Variants in RUNX1 observed in about 807,000 individuals in gnomAD.
RUNX1 encodes the protein RUNX family transcription factor 1, also known as runt-related transcription factor 1.
RUNX1 carries 19 observed loss-of-function variants against 42.8 expected under a neutral mutation model. The ratio of observed to expected loss-of-function variants is 0.44; its 90% CI spans 0.31 to 0.65. The LOEUF is 0.65. Ranked by LOEUF, RUNX1 falls within the 30% of genes least tolerant of loss-of-function variation. RUNX1 has a pLI of 0.07. For missense variants in RUNX1, 528 were observed against 672.0 expected (o/e 0.79, Z 2.37); for synonymous variants, 271 against 289.4 (o/e 0.94, Z 0.64).
chr21:34,886,148 CG>C (rs1425443410), intron 4 of RUNX1, among the ~76,000 whole-genome samples: 2 of 152,220 alleles, frequency 1.3e-5, no homozygotes, highest in African/African-American at 4.8e-5. Flanking sequence ...CGTCACCTTT[CG>C]CTACCCCTGG....
intron 7 of RUNX1, among the ~76,000 whole-genome samples, chr21:34,802,463 G>A (rs902081754): frequency 6.6e-6 from 1 of 152,168 alleles, no homozygotes; most frequent in African/African-American, 2.4e-5. Flanking sequence ...TCATCATACT[G>A]GGTGTTGCTT....
chr21:34,819,921 G>A (rs1186901694), intron 7 of RUNX1, among the ~76,000 whole-genome samples: 3 of 152,268 alleles, frequency 2.0e-5, no homozygotes, highest in African/African-American at 7.2e-5. Flanking sequence ...CCGGGCTTGT[G>A]GGAGGAATCG....
chr21:34,962,470 A>G (rs567222181), intron 2 of RUNX1, among the ~76,000 whole-genome samples: 2 of 152,356 alleles, frequency 1.3e-5, no homozygotes, highest in South Asian at 4.1e-4. Flanking sequence ...ATCACCAAAC[A>G]GCCAGTAAAG....
rs531938961 is a variant in RUNX1 at position 35,017,468 on chromosome 21, G to A, written c.58+31374C>T. 6.5e-4 allele frequency among the ~76,000 whole-genome samples: 99 copies of A among 152,224 alleles called. 2 individuals carry two copies. The highest frequency in any genetic ancestry group is 3.4e-3 in the Middle Eastern group (1 of 294). ...TAGGGATCAGGCTCATTTTACACACGCCTAAGCAACTGGAAAACATGAGAG... is the reference window on the plus strand; with the variant it reads ...TAGGGATCAGGCTCATTTTACACACACCTAAGCAACTGGAAAACATGAGAG... On this transcript the variant is annotated intron_variant, in intron 2 of 8. Transcript: ENST00000675419.
At chr21:34,992,642 C>T (rs1048031621) in intron 2 of RUNX1, among the ~76,000 whole-genome samples, 6 of 145,608 alleles carry the variant, frequency 4.1e-5, no homozygotes, top group Admixed American at 1.4e-4. Flanking sequence ...AAGATTATGA[C>T]GTTTCTTTCA....
At position 34,788,290 on chromosome 21, in the gene RUNX1, A is replaced by C. The variant is rs2056393251; in HGVS notation, c.*3845T>G. 1 of 233,586 alleles carries C rather than the reference A, an allele frequency of 4.3e-6. No homozygotes were observed. The highest frequency in any genetic ancestry group is 1.8e-4 in the South Asian group (1 of 5,534). The allele number at this position is 233,586 out of a possible 1,614,324, so 14.5% of individuals were successfully genotyped here. On this transcript the variant is annotated 3_prime_UTR_variant, in exon 9 of 9. Transcript: ENST00000675419. ...GTAGATGTGTTATACCGTCATTTCA[A>C]TTTGAAAGTTTATTTTTTTCCATTG...
In RUNX1 at chr21:34,944,890, C is replaced by T. The variant is rs576955026; in HGVS notation, c.59-51927G>A. Among the ~76,000 whole-genome samples the T allele has an allele frequency of 2.1e-4, 32 of 152,270 alleles. No individual in the cohort carries two copies. In the South Asian group the frequency reaches 6.6e-3, roughly 32 times the overall value. On this transcript the variant is annotated intron_variant, in intron 2 of 8. Transcript: ENST00000675419. ...CACTCTGAATGAATTGCTTGTTTAA[C>T]AGATGGCTTCTGACTTATTGGGAAG...
intron 2 of RUNX1, among the ~76,000 whole-genome samples, chr21:34,935,718 T>C (rs2058480018): frequency 6.6e-6 from 1 of 152,054 alleles, no homozygotes; most frequent in Non-Finnish European, 1.5e-5. Context: ...AACCCCTACC[T>C]ATTAGATGCC....
intron 5 of RUNX1, among the ~76,000 whole-genome samples, chr21:34,869,135 A>G (rs2057702600): frequency 6.6e-6 from 1 of 152,122 alleles, no homozygotes. Flanking sequence ...ATCATTCCCA[A>G]CTTTTCAAAT....
intron 2 of RUNX1, among the ~76,000 whole-genome samples, chr21:34,928,734 C>T (rs1443493034): frequency 4.6e-5 from 7 of 151,068 alleles, no homozygotes; most frequent in Non-Finnish European, 8.8e-5. Flanking sequence ...ATTTTTTGGC[C>T]AAAGTTATAT....
intron 6 of RUNX1, among the ~76,000 whole-genome samples, chr21:34,847,782 G>A (rs2057338289): frequency 2.6e-5 from 4 of 152,148 alleles, no homozygotes; most frequent in Admixed American, 2.6e-4. Flanking sequence ...TGGTTGACAG[G>A]GTTATGTTTC....
At chr21:34,950,838 A>G (rs773798416) in intron 2 of RUNX1, among the ~76,000 whole-genome samples, 5 of 152,202 alleles carry the variant, frequency 3.3e-5, no homozygotes, top group Non-Finnish European at 7.3e-5. Flanking sequence ...TTCCCACCAT[A>G]AGACCCACAG....
At chr21:34,898,626 T>C (rs1391744401) in intron 2 of RUNX1, among the ~76,000 whole-genome samples, 1 of 152,172 alleles carries the variant, frequency 6.6e-6, no homozygotes, top group Non-Finnish European at 1.5e-5. Flanking sequence ...CACCAGATAA[T>C]TGTCTTCATC....
At chr21:35,037,937 T>TTTA (rs1555835557) in intron 2 of RUNX1, among the ~76,000 whole-genome samples, 2 of 151,512 alleles carry the variant, frequency 1.3e-5, no homozygotes, top group African/African-American at 4.9e-5. Flanking sequence ...TTTTTTTTTT[T>TTTA]ATCTTCATAC....
At chr21:34,862,519 C>T (rs1370905368) in intron 5 of RUNX1, among the ~76,000 whole-genome samples, 4 of 152,208 alleles carry the variant, frequency 2.6e-5, no homozygotes, top group African/African-American at 7.2e-5. Flanking sequence ...AGCAGGGCCA[C>T]ACTCCCCCTG....
At chr21:34,827,799 G>A (rs1053995001) in intron 7 of RUNX1, among the ~76,000 whole-genome samples, 28 of 152,200 alleles carry the variant, frequency 1.8e-4, no homozygotes, top group African/African-American at 4.3e-4. Flanking sequence ...TGCTAATTCC[G>A]TAGGCATGCA....
Position 34,792,823 on chromosome 21 carries a change from G to A in RUNX1, c.968-213C>T, listed in dbSNP as rs1346380047. Reference sequence around the variant, plus strand: ...AGGATGCTATACCCAGGGGGACAGGGACCACCCAGGATGCCACCTCCTGAG... The same window carrying A: ...AGGATGCTATACCCAGGGGGACAGGAACCACCCAGGATGCCACCTCCTGAG... On this transcript the variant is annotated intron_variant, in intron 8 of 8. Coordinates refer to ENST00000675419, the MANE Select transcript of RUNX1 (RefSeq NM_001754.5). The surrounding 1 kb of genome is among the most constrained non-coding windows in gnomAD (Gnocchi z 6.9). Among the ~76,000 whole-genome samples, 1 of 151,760 alleles carries A rather than the reference G, an allele frequency of 6.6e-6. No individual in the cohort carries two copies. Among genetic ancestry groups the A allele is most frequent in the Non-Finnish European group, 1.5e-5 (1 of 67,892 alleles).
At chr21:34,946,566 T>C (rs2834688) in intron 2 of RUNX1, among the ~76,000 whole-genome samples, 15,589 of 152,190 alleles carry the variant, frequency 0.1, 2,502 homozygotes, top group African/African-American at 0.34. Context: ...GCTTGATTCA[T>C]GTGCTATATA....
intron 2 of RUNX1, among the ~76,000 whole-genome samples, chr21:35,029,281 C>T (rs1440270629): frequency 6.6e-6 from 1 of 152,216 alleles, no homozygotes; most frequent in Non-Finnish European, 1.5e-5. Flanking sequence ...AGTAAGTTAG[C>T]TTAACATGGT....
Sources: gnomAD v4.1 joint callset for allele counts (sites outside exome capture counted in the v4.1 genomes callset) on GRCh38, gnomAD v4.1.1 for gene constraint, Gnocchi (gnomAD v3.1) non-coding constraint, MANE v1.5 for transcripts, NCBI Gene and HGNC (gene_info 2026-07-23, HGNC 2026-07-21) for gene names.